The following ADAMTS20 variants were observed in gnomAD, a reference collection of about 807,000 sequenced individuals.
ADAMTS20 encodes the protein A disintegrin and metalloproteinase with thrombospondin motifs 20.
In ADAMTS20, 225 loss-of-function variants were observed where a neutral mutation model predicts 260.1. The observed-to-expected ratio is 0.87, with a 90% CI of 0.78 to 0.97. The LOEUF (loss-of-function observed/expected upper bound fraction) is 0.97. Among genes scored for constraint, ADAMTS20 ranks in the 50% least tolerant of loss-of-function variants. The pLI is 0.00. For synonymous variants in ADAMTS20, 802 were observed against 769.5 expected (o/e 1.04, Z -0.70); for missense variants, 2,400 against 2,337.7 (o/e 1.03, Z -0.55).
intron 3 of ADAMTS20, among the ~76,000 whole-genome samples, chr12:43,522,039 G>C (rs1189931636): frequency 6.6e-6 from 1 of 152,156 alleles, no homozygotes; most frequent in Non-Finnish European, 1.5e-5. Flanking sequence ...TTAATACCCA[G>C]CTGTATTAGT....
In ADAMTS20 at chr12:43,429,737, A is replaced by C; in HGVS notation, c.3382-13T>G. On this transcript the variant is annotated splice_polypyrimidine_tract_variant and intron_variant, in intron 23 of 38. Transcript: ENST00000389420. ...TAAGTACACAGCTCTGTTCAGAAGA[A>C]AAATGGTTCTCGTAAAACATTAATT... 6.6e-7 allele frequency: 1 copy of C among 1,504,958 alleles called. No individual in the cohort carries two copies. Among genetic ancestry groups the C allele is most frequent in the Non-Finnish European group, 8.9e-7 (1 of 1,117,428 alleles). 93.2% of individuals were successfully genotyped at this position (1,504,958 alleles called of 1,614,324 possible). A position where few individuals can be genotyped will look rare whatever the true frequency, so the allele number is the denominator to read the frequency against.
Position 43,464,578 on chromosome 12 carries a change from T to C in ADAMTS20, c.1509+13A>G, listed in dbSNP as rs752576037. 6.2e-7 allele frequency: 1 copy of C among 1,604,784 alleles called. No individual in the cohort carries two copies. Among genetic ancestry groups the C allele is most frequent in the Non-Finnish European group, 8.5e-7 (1 of 1,177,354 alleles). ...CAGTTTTCGAACAAAATAAAGGAAT[T>C]TTCTTTTCTTACTATATGGGGACAC... On this transcript the variant is annotated intron_variant, in intron 10 of 38. Coordinates refer to ENST00000389420, the MANE Select transcript of ADAMTS20 (RefSeq NM_025003.5).
intron 3 of ADAMTS20, among the ~76,000 whole-genome samples, chr12:43,523,463 G>A (rs986961369): frequency 2.0e-4 from 30 of 152,114 alleles, no homozygotes; most frequent in Non-Finnish European, 1.5e-4. Context: ...ACCAGGTGGG[G>A]GTGGGGGGCA....
chr12:43,476,990 T>C (rs1221133531), intron 7 of ADAMTS20, among the ~76,000 whole-genome samples: 17 of 52,432 alleles, frequency 3.2e-4, no homozygotes, highest in Admixed American at 6.6e-4. Flanking sequence ...AAACTTAAAG[T>C]ATAAAAAAAA....
rs67474640 is a variant in ADAMTS20, at chr12:43,409,601, C to CAAAAAAAAA, written c.4285-10377_4285-10369dup. Among the ~76,000 whole-genome samples the CAAAAAAAAA allele has an allele frequency of 6.6e-3, 311 of 46,890 alleles. 12 individuals carry two copies. Among genetic ancestry groups the CAAAAAAAAA allele is most frequent in the African/African-American group, 9.2e-3 (64 of 6,960 alleles). The allele number at this position is 46,890 out of a possible 152,430, so 30.8% of individuals were successfully genotyped here. On this transcript the variant is annotated intron_variant, in intron 28 of 38. Transcript: ENST00000389420. ...TGGGCGACAGAGCGAGACTCCGTCTCAAAAAAAAAAAAAAAAAAAAAAAAA... is the reference window on the plus strand; with the variant it reads ...TGGGCGACAGAGCGAGACTCCGTCTCAAAAAAAAAAAAAAAAAAAAAAAAAAAAAAAAAA...
chr12:43,409,356 ACTTTG>A (rs1362409355), intron 28 of ADAMTS20, among the ~76,000 whole-genome samples: 12 of 152,020 alleles, frequency 7.9e-5, no homozygotes, highest in African/African-American at 2.4e-4. Context: ...TAATCACAGC[ACTTTG>A]GGAGGCCGAG....
intron 31 of ADAMTS20, among the ~76,000 whole-genome samples, chr12:43,378,067 T>C (rs907223438): frequency 3.3e-5 from 5 of 152,160 alleles, no homozygotes; most frequent in African/African-American, 1.2e-4. Flanking sequence ...AATGGGCAAA[T>C]AGATTTCTGC....
rs766878992 is a variant in ADAMTS20, at chr12:43,383,655, T to A, written c.4700A>T (p.Asn1567Ile). The part of the protein sequence containing the change: ...ECTDNQIRQV[N>I]EIVYNSSTIS... ...GGTTGAAGAATTATAGACTATTTCA[T>A]TCACTTGTCTGATTTGGTTATCTGT... The change falls in exon 31 of 39, where the codon AAT becomes ATT. Residue 1567 changes from asparagine (N) to isoleucine (I), a missense_variant. By Grantham distance (149) the Asn-to-Ile change is moderately radical (BLOSUM62 -3). Transcript: ENST00000389420. 2 of 1,613,810 alleles carry A rather than the reference T, an allele frequency of 1.2e-6. No individual in the cohort carries two copies. Among genetic ancestry groups the A allele is most frequent in the African/African-American group, 2.7e-5 (2 of 74,936 alleles).
intron 3 of ADAMTS20, among the ~76,000 whole-genome samples, chr12:43,507,609 A>C (rs901842004): frequency 6.6e-6 from 1 of 152,206 alleles, no homozygotes; most frequent in African/African-American, 2.4e-5. Flanking sequence ...AACAATAATA[A>C]GTAAAAAACA....
intron 23 of ADAMTS20, 76 bp downstream of exon 23, chr12:43,430,271 TAAGTA>T: frequency 1.4e-6 from 2 of 1,455,604 alleles, no homozygotes; most frequent in Non-Finnish European, 1.8e-6. Flanking sequence ...TGGAAAAAAA[TAAGTA>T]AAGAAATAAT....
At chr12:43,441,220 C>A (rs1941660458) in intron 16 of ADAMTS20, among the ~76,000 whole-genome samples, 1 of 152,026 alleles carries the variant, frequency 6.6e-6, no homozygotes, top group Non-Finnish European at 1.5e-5. Context: ...GAATAATACT[C>A]CTATTTCCTT....
intron 12 of ADAMTS20, among the ~76,000 whole-genome samples, chr12:43,453,036 A>G (rs1481747309): frequency 1.3e-5 from 2 of 152,206 alleles, no homozygotes; most frequent in African/African-American, 4.8e-5. Context: ...AGCCAAAGAC[A>G]ATAACAAAGG....
intron 32 of ADAMTS20, 78 bp from the exon 33 acceptor site, chr12:43,376,731 A>G: frequency 1.3e-6 from 2 of 1,505,042 alleles, no homozygotes; most frequent in Non-Finnish European, 1.8e-6. Context: ...CTTTTCTTAG[A>G]CCAGGTATTT....
chr12:43,365,164 A>G (rs1230606596), intron 37 of ADAMTS20, among the ~76,000 whole-genome samples: 1 of 152,052 alleles, frequency 6.6e-6, no homozygotes, highest in Non-Finnish European at 1.5e-5. Context: ...CAAACCTATC[A>G]TTCAGAAAGG....
At chr12:43,425,188 A>G (rs932124157) in intron 28 of ADAMTS20, among the ~76,000 whole-genome samples, 2 of 152,156 alleles carry the variant, frequency 1.3e-5, no homozygotes, top group African/African-American at 4.8e-5. Context: ...GTTCTCACTT[A>G]TAAGTGGAAG....
chr12:43,490,444 A>G lies in ADAMTS20; in HGVS notation c.1077-9T>C, dbSNP rs1228592240. 1.6e-6 allele frequency: 2 copies of G among 1,281,132 alleles called. No homozygotes were observed. Among genetic ancestry groups the G allele is most frequent in the Admixed American group, 3.3e-5 (1 of 30,388 alleles). The allele number at this position is 1,281,132 out of a possible 1,614,324, so 79.4% of individuals were successfully genotyped here. On this transcript the variant is annotated splice_polypyrimidine_tract_variant and intron_variant, in intron 6 of 38. Coordinates refer to ENST00000389420, the MANE Select transcript of ADAMTS20 (RefSeq NM_025003.5). ...ATGAACAAATGTCTTCCCTTAAAAT[A>G]AAAGATTTATTTTGAAGCATTTTTG... is the stretch of plus-strand genomic sequence containing the variant.
chr12:43,361,543 C>T lies in ADAMTS20; in HGVS notation c.5539-4955G>A, dbSNP rs370424396. 1.5e-4 allele frequency among the ~76,000 whole-genome samples: 23 copies of T among 152,322 alleles called. No individual in the cohort carries two copies. In the East Asian group the frequency reaches 1.7e-3, roughly 11 times the overall value. The stretch of plus-strand genomic sequence containing the variant: ...AAGAGCATTTTATTGCCAGTTCTGC[C>T]TATGACTTTCTTCAGGATCTTGGAC... On this transcript the variant is annotated intron_variant, in intron 37 of 38. Coordinates refer to ENST00000389420, the MANE Select transcript of ADAMTS20 (RefSeq NM_025003.5).
chr12:43,375,370 A>G lies in ADAMTS20; in HGVS notation c.5446+9T>C. 3.1e-6 allele frequency: 5 copies of G among 1,610,518 alleles called. No individual in the cohort carries two copies. Among genetic ancestry groups the G allele is most frequent in the Non-Finnish European group, 4.2e-6 (5 of 1,178,994 alleles). On this transcript the variant is annotated intron_variant, in intron 36 of 38. Coordinates refer to ENST00000389420, the MANE Select transcript of ADAMTS20 (RefSeq NM_025003.5). ...CTTTTTGATTTTAAAATATAGATTGAGCACTTACTTTTAATTTGCATGGAA... is the reference window on the plus strand; with the variant it reads ...CTTTTTGATTTTAAAATATAGATTGGGCACTTACTTTTAATTTGCATGGAA...
chr12:43,542,555 T>G (rs1454029695), intron 2 of ADAMTS20, among the ~76,000 whole-genome samples: 1 of 152,178 alleles, frequency 6.6e-6, no homozygotes, highest in Non-Finnish European at 1.5e-5. Flanking sequence ...TTTCCCTATC[T>G]AAAAATTACA....
Sources: allele counts gnomAD v4.1 joint callset (sites outside exome capture counted in the v4.1 genomes callset), GRCh38; gene constraint gnomAD v4.1.1; transcripts MANE v1.5; gene names NCBI Gene and HGNC (gene_info 2026-07-23, HGNC 2026-07-21).